The following SIRPD variants were observed in gnomAD, a reference collection of about 807,000 sequenced individuals.
The protein encoded by SIRPD is signal-regulatory protein delta.
A neutral mutation model predicts 18.0 loss-of-function variants in SIRPD; 21 were observed. The ratio of observed to expected loss-of-function variants is 1.17; its 90% CI spans 0.83 to 1.68. The LOEUF (loss-of-function observed/expected upper bound fraction) is 1.68, where lower values mean the gene tolerates loss of function less well. SIRPD is among the 40% of genes most tolerant of loss of function. The pLI, the probability that SIRPD is intolerant of heterozygous loss-of-function variation, is 0.00. For synonymous variants in SIRPD, 106 were observed against 92.9 expected, an observed-to-expected ratio of 1.14 and a Z score of -0.81; for missense variants, 295 against 238.4, an observed-to-expected ratio of 1.24 and a Z score of -1.56.
chr20:1,534,406 CG>C lies in SIRPD; in HGVS notation c.*18del. The C allele has an allele frequency of 6.2e-7, 1 of 1,612,116 alleles. No individual in the cohort carries two copies. On this transcript the variant is annotated 3_prime_UTR_variant, in exon 4 of 4. Coordinates refer to ENST00000381623, the MANE Select transcript of SIRPD (RefSeq NM_178460.3). ...TGGGGGCTTTTGTTATTTACTTGTA[CG>C]TTCCTTCCCTGTTTGGATTATTTTG...
intron 1 of SIRPD, 135 bp downstream of exon 1, chr20:1,557,446 T>G: frequency 1.4e-6 from 1 of 707,566 alleles, no homozygotes; most frequent in South Asian, 3.1e-5. Context: ...AGTGTAGTCT[T>G]CTGAGTTCTG....
chr20:1,548,062 A>T (rs997122160), intron 2 of SIRPD, among the ~76,000 whole-genome samples: 2 of 152,104 alleles, frequency 1.3e-5, no homozygotes, highest in African/African-American at 4.8e-5. Flanking sequence ...TCCAATTTGG[A>T]TTGTTTTTAT....
chr20:1,541,395 T>C (rs893582100), intron 2 of SIRPD, among the ~76,000 whole-genome samples: 1 of 152,246 alleles, frequency 6.6e-6, no homozygotes, highest in African/African-American at 2.4e-5. Flanking sequence ...CCAGTGATGA[T>C]GAGCTGTTTT....
chr20:1,546,262 T>A (rs1331424930), intron 2 of SIRPD, among the ~76,000 whole-genome samples: 7 of 152,018 alleles, frequency 4.6e-5, no homozygotes, highest in African/African-American at 7.2e-5. Context: ...GAGATGGGAG[T>A]TTTATCTATA....
At chr20:1,556,206 T>C (rs545941965) in intron 1 of SIRPD, among the ~76,000 whole-genome samples, 13 of 152,224 alleles carry the variant, frequency 8.5e-5, no homozygotes, top group Non-Finnish European at 1.8e-4. Flanking sequence ...ACAACTGAGA[T>C]TACATAAGGG....
At chr20:1,539,226 TTC>T (rs762738079) in intron 2 of SIRPD, among the ~76,000 whole-genome samples, 2 of 152,228 alleles carry the variant, frequency 1.3e-5, no homozygotes, top group Non-Finnish European at 2.9e-5. Flanking sequence ...CTGTGGTAAT[TTC>T]TTTTTTGATA....
At position 1,551,688 on chromosome 20, in the gene SIRPD, C is replaced by G. The variant is rs1241788367; in HGVS notation, c.421+3G>C. 1 of 1,608,550 alleles carries G rather than the reference C, an allele frequency of 6.2e-7. No individual in the cohort carries two copies. The highest frequency in any genetic ancestry group is 1.7e-5 in the Admixed American group (1 of 59,820). ...GGGTATGGGGTATAGGAGACATACT[C>G]ACCAGTAACAAACACCTGAGTGCCC... On this transcript the variant is annotated splice_donor_region_variant and intron_variant, in intron 2 of 3. Transcript: ENST00000381623.
intron 2 of SIRPD, among the ~76,000 whole-genome samples, chr20:1,543,977 G>A (rs1421993267): frequency 6.6e-6 from 1 of 152,164 alleles, no homozygotes; most frequent in Non-Finnish European, 1.5e-5. Context: ...TGATCTGAGA[G>A]ACTGTTATGA....
At position 1,535,635 on chromosome 20, in the gene SIRPD, C is replaced by T. The variant is rs116361067; in HGVS notation, c.578-1194G>A. ...AGAAAGCTCTCACCAAATATGGCCC[C>T]TTGACCTTGAACATCTCAGCCTTTA... On this transcript the variant is annotated intron_variant, in intron 3 of 3. Coordinates refer to ENST00000381623, the MANE Select transcript of SIRPD (RefSeq NM_178460.3). Among the ~76,000 whole-genome samples, 572 of 152,284 alleles carry T rather than the reference C, an allele frequency of 3.8e-3. 4 individuals carry two copies. The highest frequency in any genetic ancestry group is 0.013 in the African/African-American group (549 of 41,562).
chr20:1,551,327 A>AT (rs2091017987), intron 2 of SIRPD, among the ~76,000 whole-genome samples: 1 of 152,064 alleles, frequency 6.6e-6, no homozygotes, highest in South Asian at 2.1e-4. Flanking sequence ...AGATTACCAG[A>AT]TTTTTCTGCA....
rs370546216 is a variant in SIRPD at position 1,536,870 on chromosome 20, G to T, written c.577+285C>A. On this transcript the variant is annotated intron_variant, in intron 3 of 3. Transcript: ENST00000381623. ...CGTGGAACCTTCACAGGACATCAGG[G>T]GTGTGGGAAGTGAGAGGGACTGGGC... Among the ~76,000 whole-genome samples, 4 of 152,236 alleles carry T rather than the reference G, an allele frequency of 2.6e-5. No homozygotes were observed. The South Asian group carries it at 8.3e-4, about 32-fold the overall frequency.
chr20:1,557,500 C>A (rs2091046715), intron 1 of SIRPD, 81 bp downstream of exon 1: 1 of 1,232,274 alleles, frequency 8.1e-7, no homozygotes, highest in South Asian at 2.2e-5. Context: ...AAAAGAAATT[C>A]TATGGGAACA....
At chr20:1,540,697 T>A (rs2090967160) in intron 2 of SIRPD, among the ~76,000 whole-genome samples, 1 of 152,214 alleles carries the variant, frequency 6.6e-6, no homozygotes, top group Non-Finnish European at 1.5e-5. Context: ...CCTGCAGGTT[T>A]GTTACACAGT....
intron 2 of SIRPD, among the ~76,000 whole-genome samples, chr20:1,542,945 T>C (rs1217282711): frequency 6.6e-6 from 1 of 152,242 alleles, no homozygotes; most frequent in African/African-American, 2.4e-5. Context: ...TTGATTTCCA[T>C]ATGTTGAACC....
chr20:1,547,300 G>T (rs185644283), intron 2 of SIRPD, among the ~76,000 whole-genome samples: 12 of 152,322 alleles, frequency 7.9e-5, no homozygotes, highest in Non-Finnish European at 1.2e-4. Flanking sequence ...TTGAAAATCA[G>T]TTGACCACAG....
rs1277095661 is a variant in SIRPD at position 1,557,624 on chromosome 20, T to C, written c.30A>G (p.Pro10=). 1.2e-6 allele frequency: 2 copies of C among 1,605,400 alleles called. No homozygotes were observed. Among genetic ancestry groups the C allele is most frequent in the Non-Finnish European group, 1.7e-6 (2 of 1,175,968 alleles). ...GATACAGCAGTAAGGAAGGCAGAGG[T>C]GGGTGGAGTGGGGAGGCAGGGATGG... The part of the protein sequence containing the change: MPIPASPLH[P]PLPSLLLYLL... Residue 10 remains proline (P), a synonymous_variant, in exon 1 of 4, where the codon CCA becomes CCG. Transcript: ENST00000381623.
intron 2 of SIRPD, among the ~76,000 whole-genome samples, chr20:1,547,392 A>C (rs2246154): frequency 0.86 from 130,718 of 152,220 alleles, 56,386 homozygotes; most frequent in Middle Eastern, 0.96. Flanking sequence ...ATCTTGATTG[A>C]TGTGGACTTG....
intron 3 of SIRPD, among the ~76,000 whole-genome samples, chr20:1,535,216 T>C (rs1212519839): frequency 6.6e-6 from 1 of 152,222 alleles, no homozygotes; most frequent in Non-Finnish European, 1.5e-5. Context: ...CCATATTTTG[T>C]GTAATCTTAT....
intron 3 of SIRPD, among the ~76,000 whole-genome samples, chr20:1,535,489 G>T (rs1399254290): frequency 6.6e-6 from 1 of 151,914 alleles, no homozygotes; most frequent in East Asian, 1.9e-4. Context: ...CATGGGAGGG[G>T]AACTGTTGGT....
Sources: gnomAD v4.1 joint callset for allele counts (sites outside exome capture counted in the v4.1 genomes callset) on GRCh38, gnomAD v4.1.1 for gene constraint, MANE v1.5 for transcripts, NCBI Gene and HGNC (gene_info 2026-07-23, HGNC 2026-07-21) for gene names.